The following CAMK4 variants were observed in gnomAD, a reference collection of about 807,000 sequenced individuals.
The protein encoded by CAMK4 is calcium/calmodulin-dependent protein kinase type IV.
A neutral mutation model predicts 44.9 loss-of-function variants in CAMK4; 22 were observed. That is an observed-to-expected ratio of 0.49 (90% CI 0.35 to 0.70). The LOEUF (loss-of-function observed/expected upper bound fraction) is 0.70, where lower values mean the gene tolerates loss of function less well. CAMK4 is among the 30% of genes least tolerant of loss of function. The pLI, the probability that CAMK4 is intolerant of heterozygous loss-of-function variation, is 0.01. For synonymous variants in CAMK4, 218 were observed against 215.4 expected, an observed-to-expected ratio of 1.01 and a Z score of -0.11; for missense variants, 498 against 586.8, an observed-to-expected ratio of 0.85 and a Z score of 1.56.
In CAMK4 at chr5:111,344,105, A is replaced by G; in HGVS notation, c.240+3A>G. 1 of 1,566,534 alleles carries G rather than the reference A, an allele frequency of 6.4e-7. No homozygotes were observed. The highest frequency in any genetic ancestry group is 8.8e-7 in the Non-Finnish European group (1 of 1,137,844). ...CTCTCAAAGTGTTAAAGAAAACAGTAAGTTTATTTCTTATATAATGGCATC... is the reference window on the plus strand; with the variant it reads ...CTCTCAAAGTGTTAAAGAAAACAGTGAGTTTATTTCTTATATAATGGCATC... On this transcript the variant is annotated splice_donor_region_variant and intron_variant, in intron 2 of 10. Transcript: ENST00000282356.
At chr5:111,303,718 A>G (rs1401087361) in intron 1 of CAMK4, among the ~76,000 whole-genome samples, 6 of 148,518 alleles carry the variant, frequency 4.0e-5, no homozygotes, top group South Asian at 4.2e-4. Context: ...AGGCAGGCCA[A>G]CGTTCAGATT....
At chr5:111,449,370 G>C (rs1414707933) in intron 7 of CAMK4, among the ~76,000 whole-genome samples, 167 bp downstream of exon 7, 3 of 152,276 alleles carry the variant, frequency 2.0e-5, no homozygotes, top group South Asian at 2.1e-4. Context: ...ATCACTTCTT[G>C]TTTTCTATGA....
chr5:111,308,811 T>G (rs948455418), intron 1 of CAMK4, among the ~76,000 whole-genome samples: 2 of 152,228 alleles, frequency 1.3e-5, no homozygotes, highest in African/African-American at 4.8e-5. Flanking sequence ...ATTATTTATT[T>G]TGAAGTAAAG....
At chr5:111,380,839 A>G (rs1751387238) in intron 4 of CAMK4, among the ~76,000 whole-genome samples, 1 of 152,194 alleles carries the variant, frequency 6.6e-6, no homozygotes, top group Non-Finnish European at 1.5e-5. Context: ...ATTTAAGGTT[A>G]ACAAACAGAT....
At position 111,484,440 on chromosome 5, in the gene CAMK4, C is replaced by G. The variant is rs142533405; in HGVS notation, c.1396C>G (p.Gln466Glu). ...TGCTGTGGGTTTTGAAGTTCCACAGCAAGATGTGATCCTGCCAGAGTACTA... is the reference window on the plus strand; with the variant it reads ...TGCTGTGGGTTTTGAAGTTCCACAGGAAGATGTGATCCTGCCAGAGTACTA... Reference protein sequence around the residue: ...SSAVGFEVPQQDVILPEY With the variant: ...SSAVGFEVPQEDVILPEY The change falls in exon 11 of 11, where the codon CAA becomes GAA. Residue 466 changes from glutamine to glutamate, a missense_variant. Physicochemically the swap from Gln to Glu is conservative, Grantham distance 29 (BLOSUM62 2). Transcript: ENST00000282356. This position sits in a 1 kb window ranked among gnomAD's most constrained non-coding sequence, Gnocchi z 5.3. The G allele has an allele frequency of 8.5e-5, 130 of 1,525,380 alleles. 1 individual carries two copies. The African/African-American group carries it at 1.7e-3, about 20-fold the overall frequency. The allele number at this position is 1,525,380 out of a possible 1,614,324, so 94.5% of individuals were successfully genotyped here. A position where few individuals can be genotyped will look rare whatever the true frequency, so the allele number is the denominator to read the frequency against.
rs142135962 is a variant in CAMK4, at chr5:111,346,453, C to G, written c.240+2351C>G. 3.3e-5 allele frequency among the ~76,000 whole-genome samples: 5 copies of G among 150,348 alleles called. No individual in the cohort carries two copies. In the East Asian group the frequency reaches 9.9e-4, roughly 30 times the overall value. ...GGTTTCTTCAGTCCTCATTTTATGA[C>G]TAGCCCTAAGCCCAAGAGGCTTGAA... On this transcript the variant is annotated intron_variant, in intron 2 of 10. Coordinates refer to ENST00000282356, the MANE Select transcript of CAMK4 (RefSeq NM_001744.6).
At chr5:111,276,307 C>T (rs1277436568) in intron 1 of CAMK4, among the ~76,000 whole-genome samples, 3 of 152,178 alleles carry the variant, frequency 2.0e-5, no homozygotes, top group Non-Finnish European at 2.9e-5. Context: ...CACCCATAGC[C>T]TGTGGGCCAC....
intron 2 of CAMK4, among the ~76,000 whole-genome samples, chr5:111,372,413 C>G (rs1426228999): frequency 6.6e-6 from 1 of 152,070 alleles, no homozygotes; most frequent in African/African-American, 2.4e-5. Context: ...AATGATAATA[C>G]TATTTGAGAT....
intron 2 of CAMK4, among the ~76,000 whole-genome samples, chr5:111,372,430 G>A (rs763232636): frequency 7.9e-5 from 12 of 152,134 alleles, no homozygotes; most frequent in Admixed American, 2.6e-4. Flanking sequence ...AGATTAGATA[G>A]ATGTTGAGAG....
intron 2 of CAMK4, chr5:111,365,044 C>T (rs1750739814): frequency 1.3e-5 from 2 of 152,144 alleles, no homozygotes; most frequent in Admixed American, 1.3e-4. Context: ...TAAACTCACA[C>T]TGAAAAATCT....
chr5:111,302,583 C>G (rs534070098), intron 1 of CAMK4: 4 of 63,964 alleles, frequency 6.3e-5, no homozygotes, highest in Non-Finnish European at 1.2e-4. Context: ...ACACCTGGCT[C>G]AGAGGGTCCT....
rs73232057 is a variant in CAMK4, at chr5:111,338,089, G to C, written c.162-5935G>C. Among the ~76,000 whole-genome samples the C allele has an allele frequency of 7.1e-3, 1,073 of 151,132 alleles. 14 individuals carry two copies. The highest frequency in any genetic ancestry group is 0.024 in the African/African-American group (993 of 41,344). ...CCAGCCATACATTTTCTCTGGTGAA[G>C]TATATGGTCAAATCATTTTTCATTG... On this transcript the variant is annotated intron_variant, in intron 1 of 10. Coordinates refer to ENST00000282356, the MANE Select transcript of CAMK4 (RefSeq NM_001744.6).
At chr5:111,322,809 A>C (rs528111223) in intron 1 of CAMK4, among the ~76,000 whole-genome samples, 4 of 152,252 alleles carry the variant, frequency 2.6e-5, no homozygotes, top group Non-Finnish European at 5.9e-5. Context: ...ACAGAAATGG[A>C]AACTATGTAA....
Position 111,485,954 on chromosome 5 carries a change from A to G in CAMK4, c.*1488A>G, listed in dbSNP as rs1350274585. The G allele has an allele frequency of 1.3e-5, 2 of 152,340 alleles. No homozygotes were observed. The highest frequency in any genetic ancestry group is 1.9e-4 in the East Asian group (1 of 5,188). The allele number at this position is 152,340 out of a possible 1,614,324, so 9.4% of individuals were successfully genotyped here. A position where few individuals can be genotyped will look rare whatever the true frequency, so the allele number is the denominator to read the frequency against. ...TGGTGGGTTTTCTCAATTTTAAAAA[A>G]GAATTCATTTTAAAAAATAATTATT... On this transcript the variant is annotated 3_prime_UTR_variant, in exon 11 of 11. Coordinates refer to ENST00000282356, the MANE Select transcript of CAMK4 (RefSeq NM_001744.6).
At position 111,244,370 on chromosome 5, in the gene CAMK4, G is replaced by A. The variant is rs568617327; in HGVS notation, c.161+19726G>A. 3.9e-5 allele frequency among the ~76,000 whole-genome samples: 6 copies of A among 152,214 alleles called. No individual in the cohort carries two copies. In the East Asian group the frequency reaches 1.2e-3, roughly 29 times the overall value. ...CTTGTCTTCATTCCCATTTTGGAGA[G>A]TGTTCACCTTGTAAAAAATCTTTGT... On this transcript the variant is annotated intron_variant, in intron 1 of 10. Coordinates refer to ENST00000282356, the MANE Select transcript of CAMK4 (RefSeq NM_001744.6).
chr5:111,240,144 G>A (rs1181057698), intron 1 of CAMK4, among the ~76,000 whole-genome samples: 1 of 151,488 alleles, frequency 6.6e-6, no homozygotes, highest in Admixed American at 6.6e-5. Flanking sequence ...TAATCTTTTT[G>A]TTGCTTTGAG....
rs1239342805 is a variant in CAMK4 at position 111,487,810 on chromosome 5, T to A, written c.*3344T>A. On this transcript the variant is annotated 3_prime_UTR_variant, in exon 11 of 11. Coordinates refer to ENST00000282356, the MANE Select transcript of CAMK4 (RefSeq NM_001744.6). ...GACACTTGAAGTTCTATGCTTAGAT[T>A]TAAGTGGCCTCAGTTTTCACATTGA... 1 of 152,128 alleles carries A rather than the reference T, an allele frequency of 6.6e-6. No homozygotes were observed. The highest frequency in any genetic ancestry group is 1.5e-5 in the Non-Finnish European group (1 of 68,026). 9.4% of individuals were successfully genotyped at this position (152,128 alleles called of 1,614,324 possible).
intron 4 of CAMK4, among the ~76,000 whole-genome samples, chr5:111,388,725 A>C (rs1378250019): frequency 6.6e-6 from 1 of 152,186 alleles, no homozygotes; most frequent in Non-Finnish European, 1.5e-5. Flanking sequence ...TGTCCAGTTC[A>C]CTACTGAGTG....
At chr5:111,369,727 C>A (rs1269467714) in intron 2 of CAMK4, among the ~76,000 whole-genome samples, 1 of 152,068 alleles carries the variant, frequency 6.6e-6, no homozygotes, top group African/African-American at 2.4e-5. Context: ...CTGTTTAAGT[C>A]CCTTATACTA....
Sources: gnomAD v4.1 joint callset for allele counts (sites outside exome capture counted in the v4.1 genomes callset) on GRCh38, gnomAD v4.1.1 for gene constraint, Gnocchi (gnomAD v3.1) non-coding constraint, MANE v1.5 for transcripts, NCBI Gene and HGNC (gene_info 2026-07-23, HGNC 2026-07-21) for gene names.